Variants in PPL observed in about 807,000 individuals in gnomAD.
PPL encodes 190 kDa paraneoplastic pemphigus antigen.
Under a neutral mutation model 194.4 loss-of-function variants are expected in PPL, and 198 were observed. The ratio of observed to expected loss-of-function variants is 1.02; its 90% CI spans 0.91 to 1.15. The LOEUF (loss-of-function observed/expected upper bound fraction) is 1.15, where lower values mean the gene tolerates loss of function less well. Among genes scored for constraint, PPL ranks in the 50% most tolerant of loss-of-function variants. The probability of loss-of-function intolerance (pLI) is 0.00; values close to 1 mark genes in which losing one functional copy is unlikely to be tolerated. For missense variants in PPL, 2,885 were observed against 2,294.8 expected, an observed-to-expected ratio of 1.26 and a Z score of -5.25; for synonymous variants, 1,220 against 972.4, an observed-to-expected ratio of 1.25 and a Z score of -4.74.
chr16:4,905,415 C>G (rs948512202), intron 2 of PPL, among the ~76,000 whole-genome samples: 6 of 152,128 alleles, frequency 3.9e-5, no homozygotes, highest in African/African-American at 1.2e-4. Flanking sequence ...GTCACTGTCT[C>G]TTAAGTGGTT....
rs1442783436 is a variant in PPL at position 4,889,241 on chromosome 16, G to GGTTTTTTTT, written c.2314-181_2314-180insAAAAAAAAC. Among the ~76,000 whole-genome samples, 569 of 66,630 alleles carry GGTTTTTTTT rather than the reference G, an allele frequency of 8.5e-3. 62 individuals carry two copies. The highest frequency in any genetic ancestry group is 0.011 in the East Asian group (24 of 2,102). The allele number at this position is 66,630 out of a possible 152,430, so 43.7% of individuals were successfully genotyped here. On this transcript the variant is annotated intron_variant, in intron 18 of 21. Transcript: ENST00000345988. ...AAAAGGCAGTTTTTTTGTTGTTGTT[G>GGTTTTTTTT]TTTTTTTTTTTTTTTTTTTTTTTTT...
intron 8 of PPL, among the ~76,000 whole-genome samples, chr16:4,898,510 A>G (rs913432902): frequency 4.6e-5 from 7 of 152,140 alleles, no homozygotes; most frequent in African/African-American, 1.7e-4. Flanking sequence ...ATATCCTTAT[A>G]AGAAGAGAGG....
At position 4,902,448 on chromosome 16, in the gene PPL, C is replaced by T. The variant is rs372543388; in HGVS notation, c.396G>A (p.Val132=). 1.1e-5 allele frequency: 17 copies of T among 1,613,936 alleles called. No homozygotes were observed. The African/African-American group carries it at 1.7e-4, about 16-fold the overall frequency. The change falls in exon 4 of 22, where the codon GTG becomes GTA. Residue 132 remains valine (V), a synonymous_variant. Coordinates refer to ENST00000345988, the MANE Select transcript of PPL (RefSeq NM_002705.5). This position sits in a 1 kb window ranked among gnomAD's most constrained non-coding sequence, Gnocchi z 4.0. The part of the protein sequence containing the change: ...KQIYRLAVKE[V]DPQVNWAALV... ...GTGCCGCCCAGTTGACCTGTGGATC[C>T]ACTTCCTTCACCGCCAGCCTGTAGA... is the stretch of plus-strand genomic sequence containing the variant.
At chr16:4,895,531 C>T in intron 10 of PPL, 63 bp downstream of exon 10, 4 of 1,610,906 alleles carry the variant, frequency 2.5e-6, no homozygotes, top group Non-Finnish European at 3.4e-6. Flanking sequence ...GGGCTGAGGG[C>T]AGGCATGGTG....
In PPL at chr16:4,895,371, C is replaced by G. The variant is rs1198729193; in HGVS notation, c.1132G>C (p.Val378Leu). The change falls in exon 11 of 22, where the codon GTG becomes CTG. Residue 378 changes from valine to leucine, a missense_variant. Physicochemically the swap from Val to Leu is conservative, Grantham distance 32. Transcript: ENST00000345988. ...EKVLDKYEDV[V>L]QGLQKRGQQV... ...TGGCCTCGCTTCTGCAGCCCCTGCA[C>G]CACGTCCTCATACTTGTCCAGCACC... 1 of 1,613,264 alleles carries G rather than the reference C, an allele frequency of 6.2e-7. No homozygotes were observed. The highest frequency in any genetic ancestry group is 1.3e-5 in the African/African-American group (1 of 74,910).
chr16:4,884,064 G>T lies in PPL; in HGVS notation c.4591C>A (p.Arg1531Ser), dbSNP rs547974158. ...SSLEEESRSK[R>S]ELDVEVSRLE... ...CGGCTCACCTCGACGTCCAGCTCGC[G>T]CTTGCTGCGGCTCTCCTCCTCCAGG... The change falls in exon 22 of 22, where the codon CGC (arginine) becomes AGC (serine). Residue 1531 changes from arginine (R) to serine (S), a missense_variant. Transcript: ENST00000345988. This position sits in a 1 kb window ranked among gnomAD's most constrained non-coding sequence, Gnocchi z 5.7. 1 of 1,613,082 alleles carries T rather than the reference G, an allele frequency of 6.2e-7. No individual in the cohort carries two copies. Among genetic ancestry groups the T allele is most frequent in the Admixed American group, 1.7e-5 (1 of 59,944 alleles).
intron 18 of PPL, among the ~76,000 whole-genome samples, 163 bp from the exon 19 acceptor site, chr16:4,889,224 G>GT (rs34820925): frequency 1.4e-4 from 9 of 64,656 alleles, no homozygotes; most frequent in Non-Finnish European, 1.0e-4. Flanking sequence ...GCAAAAGGCA[G>GT]TTTTTTTGTT....
chr16:4,935,695 C>G (rs756571424), intron 1 of PPL, among the ~76,000 whole-genome samples: 1 of 152,186 alleles, frequency 6.6e-6, no homozygotes, highest in Non-Finnish European at 1.5e-5. Context: ...TGGAAGGCCC[C>G]GGAATGGAGT....
Position 4,899,281 on chromosome 16 carries a change from A to C in PPL, c.710T>G (p.Met237Arg). 1 of 1,613,828 alleles carries C rather than the reference A, an allele frequency of 6.2e-7. No homozygotes were observed. The highest frequency in any genetic ancestry group is 8.5e-7 in the Non-Finnish European group (1 of 1,179,994). Residue 237 changes from methionine to arginine, a missense_variant, in exon 7 of 22, where the codon ATG (methionine) becomes AGG (arginine). Met to Arg is a moderately conservative substitution (Grantham distance 91). Coordinates refer to ENST00000345988, the MANE Select transcript of PPL (RefSeq NM_002705.5). Reference protein sequence around the residue: ...YWLDQQAKGRMQYDWSDRNLD... With the variant: ...YWLDQQAKGRRQYDWSDRNLD... ...GTTGCGGTCACTCCAGTCGTACTGC[A>C]TGCGGCCCTTGGCCTGCTGGTCCAG...
chr16:4,928,045 C>A lies in PPL; in HGVS notation c.62+8939G>T, dbSNP rs78320276. ...TCATAGCTCACTGCAGCTTTGAATT[C>A]CTAGACTCGGGGGATAAACAGGGCT... On this transcript the variant is annotated intron_variant, in intron 1 of 21. Coordinates refer to ENST00000345988, the MANE Select transcript of PPL (RefSeq NM_002705.5). Among the ~76,000 whole-genome samples the A allele has an allele frequency of 4.5e-3, 692 of 152,310 alleles. 8 individuals are homozygous for A. Among genetic ancestry groups the A allele is most frequent in the East Asian group, 0.025 (128 of 5,188 alleles).
rs530401646 is a variant in PPL at position 4,929,494 on chromosome 16, C to A, written c.62+7490G>T. ...TAAACTGGAAAACTCGTGATCTACTCAGACATGCAGAAAAGTACTGAAAAG... is the reference window on the plus strand; with the variant it reads ...TAAACTGGAAAACTCGTGATCTACTAAGACATGCAGAAAAGTACTGAAAAG... On this transcript the variant is annotated intron_variant, in intron 1 of 21. Transcript: ENST00000345988. Among the ~76,000 whole-genome samples, 36 of 152,318 alleles carry A rather than the reference C, an allele frequency of 2.4e-4. No homozygotes were observed. The South Asian group carries it at 6.6e-3, about 28-fold the overall frequency.
Position 4,885,647 on chromosome 16 carries a change from T to C in PPL, c.3008A>G (p.Asp1003Gly). Residue 1003 changes from aspartate (D) to glycine (G), a missense_variant, in exon 22 of 22, where the codon GAC becomes GGC. Coordinates refer to ENST00000345988, the MANE Select transcript of PPL (RefSeq NM_002705.5). This position sits in a 1 kb window ranked among gnomAD's most constrained non-coding sequence, Gnocchi z 6.3. ...VVKEVLRIEP[D>G]RAQADEVLQL... ...CAAGACCTCATCCGCCTGGGCCCTG[T>C]CAGGCTCGATGCGCAGGACCTCCTT... 1 of 1,612,908 alleles carries C rather than the reference T, an allele frequency of 6.2e-7. No individual in the cohort carries two copies. The highest frequency in any genetic ancestry group is 8.5e-7 in the Non-Finnish European group (1 of 1,179,670).
chr16:4,919,746 T>C (rs1036453168), intron 1 of PPL, among the ~76,000 whole-genome samples: 1 of 151,410 alleles, frequency 6.6e-6, no homozygotes, highest in Non-Finnish European at 1.5e-5. Context: ...ATTGGGCAAA[T>C]AGGAAGACCT....
At position 4,884,907 on chromosome 16, in the gene PPL, G is replaced by T. The variant is rs141950848; in HGVS notation, c.3748C>A (p.Arg1250=). The T allele has an allele frequency of 6.3e-5, 101 of 1,614,074 alleles. No homozygotes were observed. In the African/African-American group the frequency reaches 1.2e-3, roughly 19 times the overall value. Residue 1250 remains arginine, a synonymous_variant, in exon 22 of 22, where the codon CGG becomes AGG. Transcript: ENST00000345988. The surrounding 1 kb of genome is among the most constrained non-coding windows in gnomAD (Gnocchi z 5.7). The stretch of plus-strand genomic sequence containing the variant: ...TTGTCCACGATCTCCTCCCTGAGCC[G>T]CTGAAGCTCCTTCTCCATCTCAGGG... ...TDPEMEKELQ[R]LREEIVDKTR...
intron 2 of PPL, among the ~76,000 whole-genome samples, chr16:4,909,819 A>G (rs113706071): frequency 6.6e-6 from 1 of 152,178 alleles, no homozygotes; most frequent in African/African-American, 2.4e-5. Flanking sequence ...AACAATAAAT[A>G]ATGTTTTAGC....
intron 1 of PPL, among the ~76,000 whole-genome samples, chr16:4,923,085 ACTGCT>A (rs2142412441): frequency 6.6e-6 from 1 of 152,250 alleles, no homozygotes; most frequent in Admixed American, 6.5e-5. Flanking sequence ...GGGTGTTCCC[ACTGCT>A]CTGAGAACGT....
At chr16:4,922,900 C>T (rs1197331389) in intron 1 of PPL, among the ~76,000 whole-genome samples, 1 of 152,240 alleles carries the variant, frequency 6.6e-6, no homozygotes, top group Non-Finnish European at 1.5e-5. Flanking sequence ...CCAACATCTG[C>T]GAGGAGAGGC....
At chr16:4,896,111 T>A (rs924010466) in intron 9 of PPL, among the ~76,000 whole-genome samples, 2 of 152,190 alleles carry the variant, frequency 1.3e-5, no homozygotes, top group African/African-American at 4.8e-5. Flanking sequence ...GAAAATTCTC[T>A]TGCCCATTCT....
chr16:4,914,405 A>T (rs1430732325), intron 1 of PPL, among the ~76,000 whole-genome samples: 1 of 152,198 alleles, frequency 6.6e-6, no homozygotes, highest in Non-Finnish European at 1.5e-5. Flanking sequence ...TGGACCAGCA[A>T]TGCAGGTGCT....
Sources: allele counts gnomAD v4.1 joint callset (sites outside exome capture counted in the v4.1 genomes callset), GRCh38; gene constraint gnomAD v4.1.1; non-coding constraint Gnocchi (gnomAD v3.1); transcripts MANE v1.5; gene names NCBI Gene and HGNC (gene_info 2026-07-23, HGNC 2026-07-21).